Variants in SH3D19 observed in about 807,000 individuals in gnomAD.
SH3D19 encodes the protein SH3 domain containing 19, also known as SH3 domain-containing protein 19.
A neutral mutation model predicts 112.1 loss-of-function variants in SH3D19; 58 were observed. The ratio of observed to expected loss-of-function variants is 0.52; its 90% CI spans 0.42 to 0.64. SH3D19 has a LOEUF of 0.64. Among genes scored for constraint, SH3D19 ranks in the 30% least tolerant of loss-of-function variants. The pLI is 0.00. For missense variants in SH3D19, 1,090 were observed against 1,263.4 expected, an observed-to-expected ratio of 0.86 and a Z score of 2.08; for synonymous variants, 391 against 448.5, an observed-to-expected ratio of 0.87 and a Z score of 1.62.
At chr4:151,216,342 TA>T (rs151338286) in intron 2 of SH3D19, among the ~76,000 whole-genome samples, 2,228 of 152,262 alleles carry the variant, frequency 0.015, 43 homozygotes, top group African/African-American at 0.048. Flanking sequence ...AATATTTGAA[TA>T]AAAATTTAAA....
chr4:151,250,197 G>A (rs187085539), intron 1 of SH3D19, among the ~76,000 whole-genome samples: 2 of 152,154 alleles, frequency 1.3e-5, no homozygotes, highest in East Asian at 3.9e-4. Context: ...ATATACTGAA[G>A]CATAATTTAT....
chr4:151,125,581 T>G (rs953426614), intron 19 of SH3D19, among the ~76,000 whole-genome samples: 1 of 148,802 alleles, frequency 6.7e-6, no homozygotes, highest in Non-Finnish European at 1.5e-5. Flanking sequence ...AGGCCGGGCA[T>G]GGTGGCTCAC....
At chr4:151,264,168 C>G (rs1048001873) in intron 1 of SH3D19, among the ~76,000 whole-genome samples, 1 of 152,096 alleles carries the variant, frequency 6.6e-6, no homozygotes, top group African/African-American at 2.4e-5. Flanking sequence ...GTGGCTCACT[C>G]ACGTCTGTAA....
At chr4:151,213,866 T>A (rs1199297087) in intron 2 of SH3D19, among the ~76,000 whole-genome samples, 1 of 151,542 alleles carries the variant, frequency 6.6e-6, no homozygotes, top group African/African-American at 2.4e-5. Context: ...TTTAAATTTT[T>A]TTTTTTTTAA....
intron 2 of SH3D19, among the ~76,000 whole-genome samples, chr4:151,203,949 T>A (rs957581536): frequency 5.3e-5 from 8 of 152,200 alleles, no homozygotes; most frequent in East Asian, 3.8e-4. Flanking sequence ...GGATTTTTTT[T>A]AAATAAACTT....
chr4:151,323,211 C>T (rs1730722277), intron 1 of SH3D19, among the ~76,000 whole-genome samples: 1 of 152,098 alleles, frequency 6.6e-6, no homozygotes, highest in Non-Finnish European at 1.5e-5. Context: ...AGTCCATAAA[C>T]CCCAGGTTTA....
chr4:151,178,810 T>A (rs1457361695), intron 4 of SH3D19, among the ~76,000 whole-genome samples: 1 of 152,202 alleles, frequency 6.6e-6, no homozygotes, highest in Non-Finnish European at 1.5e-5. Context: ...AATCTATCCA[T>A]CCATTTAGCC....
At chr4:151,214,436 A>ATGG (rs1766580325) in intron 2 of SH3D19, among the ~76,000 whole-genome samples, 1 of 15,140 alleles carries the variant, frequency 6.6e-5, no homozygotes, top group African/African-American at 8.9e-5. Context: ...CACCTCCCGG[A>ATGG]CGAGGCTGCT....
chr4:151,254,999 GCTC>G (rs1337145603), intron 1 of SH3D19, among the ~76,000 whole-genome samples: 17 of 150,604 alleles, frequency 1.1e-4, no homozygotes, highest in African/African-American at 2.2e-4. Context: ...GGGCAGAGGG[GCTC>G]CTCACTTCCC....
At chr4:151,238,596 G>A (rs1209486554) in intron 1 of SH3D19, among the ~76,000 whole-genome samples, 2 of 151,846 alleles carry the variant, frequency 1.3e-5, no homozygotes, top group African/African-American at 2.4e-5. Context: ...ACTCCTTCAC[G>A]GGCTCCAAAG....
At chr4:151,186,608 A>T (rs1761821128) in intron 3 of SH3D19, among the ~76,000 whole-genome samples, 1 of 148,016 alleles carries the variant, frequency 6.8e-6, no homozygotes, top group African/African-American at 2.5e-5. Context: ...TAATTTTTGT[A>T]TTTTTAGTAG....
intron 1 of SH3D19, among the ~76,000 whole-genome samples, chr4:151,237,636 T>C (rs1022109467): frequency 2.0e-5 from 3 of 152,066 alleles, no homozygotes; most frequent in East Asian, 3.9e-4. Context: ...GCAATACTCA[T>C]CTCATCAAAC....
intron 7 of SH3D19, among the ~76,000 whole-genome samples, chr4:151,167,198 T>C (rs1407987508): frequency 6.6e-6 from 1 of 152,006 alleles, no homozygotes; most frequent in Non-Finnish European, 1.5e-5. Context: ...ACTATATTAA[T>C]AATATAACTT....
At chr4:151,135,968 C>T (rs1751749898) in intron 14 of SH3D19, among the ~76,000 whole-genome samples, 1 of 151,702 alleles carries the variant, frequency 6.6e-6, no homozygotes, top group Admixed American at 6.6e-5. Context: ...GCCCGGGTGA[C>T]AACAGCGAGA....
chr4:151,292,311 A>AG (rs1775398387), intron 1 of SH3D19, among the ~76,000 whole-genome samples: 2 of 151,794 alleles, frequency 1.3e-5, no homozygotes, highest in African/African-American at 2.4e-5. Flanking sequence ...AAAAAAAAAA[A>AG]GGAAAAGAAA....
chr4:151,239,078 C>T lies in SH3D19; in HGVS notation c.113-12992G>A, dbSNP rs968187793. ...AGAATTCTTGAGTGAGAAGAGACAC[C>T]TGGAGACATCTGTCACCTTTACTTT... On this transcript the variant is annotated intron_variant, in intron 1 of 19. Transcript: ENST00000604030. 5.3e-5 allele frequency among the ~76,000 whole-genome samples: 8 copies of T among 152,316 alleles called. No individual in the cohort carries two copies. The East Asian group carries it at 1.5e-3, about 29-fold the overall frequency.
At chr4:151,210,890 T>C (rs1024317755) in intron 2 of SH3D19, among the ~76,000 whole-genome samples, 22 of 152,158 alleles carry the variant, frequency 1.4e-4, no homozygotes, top group Admixed American at 2.6e-4. Context: ...GTTGTTTTTT[T>C]CTTCTGAAAT....
chr4:151,313,625 C>A (rs1371556102), intron 1 of SH3D19, among the ~76,000 whole-genome samples: 2 of 151,982 alleles, frequency 1.3e-5, no homozygotes, highest in East Asian at 3.9e-4. Flanking sequence ...GCTTTGTTGC[C>A]CAGGCTGTGC....
rs192242997 is a variant in SH3D19, at chr4:151,303,095, T to A, written c.112+22146A>T. Among the ~76,000 whole-genome samples the A allele has an allele frequency of 1.2e-3, 183 of 152,312 alleles. 1 individual carries two copies. The highest frequency in any genetic ancestry group is 4.2e-3 in the African/African-American group (173 of 41,572). ...GTTCTGTTGGGTCACAAGATGGAGATGAAATACACACAATAAATAAAGCAG... is the reference window on the plus strand; with the variant it reads ...GTTCTGTTGGGTCACAAGATGGAGAAGAAATACACACAATAAATAAAGCAG... On this transcript the variant is annotated intron_variant, in intron 1 of 19. Transcript: ENST00000604030.
Sources: gnomAD v4.1 joint callset for allele counts (sites outside exome capture counted in the v4.1 genomes callset) on GRCh38, gnomAD v4.1.1 for gene constraint, MANE v1.5 for transcripts, NCBI Gene and HGNC (gene_info 2026-07-23, HGNC 2026-07-21) for gene names.